Variants in DNAH11 observed in about 807,000 individuals in gnomAD.
DNAH11 encodes dynein axonemal heavy chain 11, also known as axonemal beta dynein heavy chain 11.
In DNAH11, 442 loss-of-function variants were observed where a neutral mutation model predicts 526.0. The ratio of observed to expected loss-of-function variants is 0.84; its 90% CI spans 0.78 to 0.91. DNAH11 has a LOEUF of 0.91. DNAH11 is among the 40% of genes least tolerant of loss of function. The pLI, the probability that DNAH11 is intolerant of heterozygous loss-of-function variation, is 0.00. For missense variants in DNAH11, 6,989 were observed against 5,448.7 expected, an observed-to-expected ratio of 1.28 and a Z score of -8.90; for synonymous variants, 2,461 against 1,935.9, an observed-to-expected ratio of 1.27 and a Z score of -7.12.
intron 30 of DNAH11, among the ~76,000 whole-genome samples, chr7:21,667,775 G>GT (rs2128468353): frequency 6.6e-6 from 1 of 152,216 alleles, no homozygotes; most frequent in Non-Finnish European, 1.5e-5. Flanking sequence ...GACTGTGTAC[G>GT]TATGTGATTT....
Position 21,593,932 on chromosome 7 carries a change from C to G in DNAH11, c.2667+2355C>G, listed in dbSNP as rs556299652. On this transcript the variant is annotated intron_variant, in intron 14 of 81. Coordinates refer to ENST00000409508, the MANE Select transcript of DNAH11 (RefSeq NM_001277115.2). ...TCTCTCTCTCTCTAACACACACACA[C>G]TCTCTTTCACACACACATACTCTTT... 1.9e-4 allele frequency among the ~76,000 whole-genome samples: 29 copies of G among 151,944 alleles called. No homozygotes were observed. The South Asian group carries it at 5.8e-3, about 31-fold the overall frequency.
intron 25 of DNAH11, among the ~76,000 whole-genome samples, chr7:21,620,558 CT>C (rs896152554): frequency 6.6e-6 from 1 of 151,812 alleles, no homozygotes; most frequent in Admixed American, 6.6e-5. Context: ...GGATTTTATT[CT>C]TTTTTTTAAA....
intron 65 of DNAH11, among the ~76,000 whole-genome samples, chr7:21,841,590 G>C (rs1430804643): frequency 6.8e-6 from 1 of 147,630 alleles, no homozygotes; most frequent in Non-Finnish European, 1.5e-5. Flanking sequence ...TATGGTCCCA[G>C]TGTGAGTGAG....
At chr7:21,545,475 C>T (rs1467934462) in intron 2 of DNAH11, among the ~76,000 whole-genome samples, 1 of 152,122 alleles carries the variant, frequency 6.6e-6, no homozygotes, top group East Asian at 1.9e-4. Context: ...TGAATAGGTT[C>T]TTGCACCTTA....
chr7:21,593,045 C>T (rs1784743914), intron 14 of DNAH11, among the ~76,000 whole-genome samples: 1 of 152,002 alleles, frequency 6.6e-6, no homozygotes, highest in African/African-American at 2.4e-5. Context: ...TATTTAGAGC[C>T]ATATAATTAG....
intron 39 of DNAH11, among the ~76,000 whole-genome samples, chr7:21,706,009 C>G (rs1319714043): frequency 6.6e-6 from 1 of 152,134 alleles, no homozygotes; most frequent in African/African-American, 2.4e-5. Flanking sequence ...ATTCTCCTCC[C>G]CATATCATTC....
chr7:21,559,589 C>G lies in DNAH11; in HGVS notation c.693-14C>G, dbSNP rs574585676. 164 of 1,574,088 alleles carry G rather than the reference C, an allele frequency of 1.0e-4. 1 individual carries two copies. The South Asian group carries it at 1.9e-3, about 18-fold the overall frequency. The stretch of plus-strand genomic sequence containing the variant: ...ATTCATCTTTGAATTATTTTATTAT[C>G]TTAATGTTTGTAGGCCACCGTCAAA... On this transcript the variant is annotated splice_polypyrimidine_tract_variant and intron_variant, in intron 3 of 81. Transcript: ENST00000409508.
intron 32 of DNAH11, among the ~76,000 whole-genome samples, chr7:21,686,436 T>G (rs1037345758): frequency 6.6e-6 from 1 of 152,182 alleles, no homozygotes; most frequent in Non-Finnish European, 1.5e-5. Context: ...TTGCTATTTG[T>G]TTTGTCTTCT....
At chr7:21,772,195 T>A (rs147446463) in intron 55 of DNAH11, among the ~76,000 whole-genome samples, 1 of 152,362 alleles carries the variant, frequency 6.6e-6, no homozygotes, top group African/African-American at 2.4e-5. Context: ...TGAGACAAGT[T>A]GTCTCAGGCC....
chr7:21,881,145 C>G (rs762095787), intron 75 of DNAH11, among the ~76,000 whole-genome samples: 9 of 152,102 alleles, frequency 5.9e-5, no homozygotes, highest in Non-Finnish European at 8.8e-5. Context: ...AAAAAATGTC[C>G]TTCATTATGT....
chr7:21,721,279 C>A (rs1784865864), intron 44 of DNAH11, among the ~76,000 whole-genome samples: 1 of 152,202 alleles, frequency 6.6e-6, no homozygotes, highest in Non-Finnish European at 1.5e-5. Context: ...GAAGACATCA[C>A]TCTTCCTGAT....
chr7:21,860,971 A>G (rs1206033425), intron 68 of DNAH11, among the ~76,000 whole-genome samples: 2 of 152,170 alleles, frequency 1.3e-5, no homozygotes, highest in Non-Finnish European at 2.9e-5. Flanking sequence ...GTATGGGAGA[A>G]ACTGCCCCCA....
Position 21,581,981 on chromosome 7 carries a change from A to G in DNAH11, c.1670A>G (p.Glu557Gly). 1.2e-6 allele frequency: 2 copies of G among 1,613,282 alleles called. No individual in the cohort carries two copies. The highest frequency in any genetic ancestry group is 1.7e-6 in the Non-Finnish European group (2 of 1,179,418). ...FDRRLGTIIC[E>G]AFFNCNGLEA... ...AGAAGGCTTGGGACAATTATTTGTG[A>G]AGCTTTCTTTAACTGCAATGGCTTA... The change falls in exon 9 of 82, where the codon GAA becomes GGA. Residue 557 changes from glutamate to glycine, a missense_variant. Glu to Gly is a moderately conservative substitution (Grantham distance 98). Transcript: ENST00000409508.
At chr7:21,688,256 T>C (rs554308080) in intron 34 of DNAH11, among the ~76,000 whole-genome samples, 1 of 152,246 alleles carries the variant, frequency 6.6e-6, no homozygotes, top group African/African-American at 2.4e-5. Flanking sequence ...TTTCTTCTCA[T>C]CTATAAAATG....
chr7:21,849,585 A>C (rs1207838760), intron 66 of DNAH11, among the ~76,000 whole-genome samples: 2 of 152,246 alleles, frequency 1.3e-5, no homozygotes, highest in Non-Finnish European at 2.9e-5. Flanking sequence ...TTTATAAGAT[A>C]CAAAATTATT....
chr7:21,668,909 A>G (rs1782526406), intron 30 of DNAH11, among the ~76,000 whole-genome samples: 1 of 152,212 alleles, frequency 6.6e-6, no homozygotes, highest in Non-Finnish European at 1.5e-5. Flanking sequence ...AGAAACAGTC[A>G]AACAGTTCTC....
intron 25 of DNAH11, among the ~76,000 whole-genome samples, 160 bp downstream of exon 25, chr7:21,620,238 G>C (rs1263277744): frequency 1.3e-5 from 2 of 151,894 alleles, no homozygotes; most frequent in Non-Finnish European, 2.9e-5. Context: ...TTTTTTTGTG[G>C]TGAATCACTT....
In DNAH11 at chr7:21,816,616, G is replaced by C; in HGVS notation, c.10482G>C (p.Leu3494=). ...TAACACACTGTGAGCGCTGGCCTCT[G>C]GTGATAGATCCCCAGCAACAGGGAA... ...AILTHCERWP[L]VIDPQQQGIK... is the part of the protein sequence containing the mutation. The change falls in exon 64 of 82, where the codon CTG becomes CTC. Residue 3494 remains leucine (L), a synonymous_variant. Transcript: ENST00000409508. 6.2e-7 allele frequency: 1 copy of C among 1,613,752 alleles called. No homozygotes were observed. The highest frequency in any genetic ancestry group is 8.5e-7 in the Non-Finnish European group (1 of 1,179,816).
chr7:21,854,174 G>T, intron 67 of DNAH11, 141 bp from the exon 68 acceptor site: 2 of 783,632 alleles, frequency 2.6e-6, no homozygotes, highest in Non-Finnish European at 3.9e-6. Context: ...TTTTAGAAAA[G>T]CTCGAGCACA....
Sources: gnomAD v4.1 joint callset for allele counts (sites outside exome capture counted in the v4.1 genomes callset) on GRCh38, gnomAD v4.1.1 for gene constraint, MANE v1.5 for transcripts, NCBI Gene and HGNC (gene_info 2026-07-23, HGNC 2026-07-21) for gene names.